Variants in KCNMA1 observed in about 807,000 individuals in gnomAD.
The protein encoded by KCNMA1 is potassium calcium-activated channel subfamily M alpha 1.
A neutral mutation model predicts 140.0 loss-of-function variants in KCNMA1; 29 were observed. That is an observed-to-expected ratio of 0.21 (90% CI 0.15 to 0.28). The LOEUF (loss-of-function observed/expected upper bound fraction) is 0.28. Ranked by LOEUF, KCNMA1 falls within the 10% of genes least tolerant of loss-of-function variation. The pLI is 1.00. For missense variants in KCNMA1, 880 were observed against 1,602.2 expected (o/e 0.55, Z 7.70); for synonymous variants, 612 against 611.9 (o/e 1.00, Z 0.00).
At position 76,884,947 on chromosome 10, in the gene KCNMA1, C is replaced by A; in HGVS notation, c.*2319G>T. 1 of 1,524,906 alleles carries A rather than the reference C, an allele frequency of 6.6e-7. No homozygotes were observed. Among genetic ancestry groups the A allele is most frequent in the Non-Finnish European group, 8.8e-7 (1 of 1,136,068 alleles). 94.5% of individuals were successfully genotyped at this position (1,524,906 alleles called of 1,614,324 possible). A position where few individuals can be genotyped will look rare whatever the true frequency, so the allele number is the denominator to read the frequency against. Reference sequence around the variant, plus strand: ...AAGGACAACGTTATAGAAGAAAACCCCCAGCAGTGGCTAGGTCATGCAGAA... The same window carrying A: ...AAGGACAACGTTATAGAAGAAAACCACCAGCAGTGGCTAGGTCATGCAGAA... On this transcript the variant is annotated 3_prime_UTR_variant, in exon 28 of 28. Coordinates refer to ENST00000286628, the MANE Select transcript of KCNMA1 (RefSeq NM_001161352.2).
intron 1 of KCNMA1, among the ~76,000 whole-genome samples, chr10:77,528,507 G>A (rs1303305369): frequency 1.3e-5 from 2 of 151,918 alleles, no homozygotes; most frequent in Admixed American, 1.3e-4. Flanking sequence ...CAACTCGGGA[G>A]GCTGAGGCAG....
At position 77,108,623 on chromosome 10, in the gene KCNMA1, G is replaced by C. The variant is rs1324157591; in HGVS notation, c.1132-51C>G. On this transcript the variant is annotated intron_variant, in intron 8 of 27. Transcript: ENST00000286628. This position sits in a 1 kb window ranked among gnomAD's most constrained non-coding sequence, Gnocchi z 4.6. Reference sequence around the variant, plus strand: ...GACTAAAAAGACAGGCCAAAGAAAAGGGGGGACCTGTTCAGAGGGTGGGGG... The same window carrying C: ...GACTAAAAAGACAGGCCAAAGAAAACGGGGGACCTGTTCAGAGGGTGGGGG... 7.3e-7 allele frequency: 1 copy of C among 1,377,978 alleles called. No homozygotes were observed. Among genetic ancestry groups the C allele is most frequent in the Admixed American group, 1.7e-5 (1 of 59,680 alleles). 85.4% of individuals were successfully genotyped at this position (1,377,978 alleles called of 1,614,324 possible).
Position 77,600,389 on chromosome 10 carries a change from C to T in KCNMA1, c.378+36876G>A, listed in dbSNP as rs373039602. 5.4e-4 allele frequency among the ~76,000 whole-genome samples: 82 copies of T among 152,306 alleles called. 1 individual carries two copies. In the South Asian group the frequency reaches 0.017, roughly 31 times the overall value. On this transcript the variant is annotated intron_variant, in intron 1 of 27. Transcript: ENST00000286628. ...ACTGACATTCCAAGCACCTGACATA[C>T]ACCTCGTCACTTAGTCCTCACAGCA...
chr10:77,381,988 C>T (rs951431265), intron 2 of KCNMA1, among the ~76,000 whole-genome samples: 1 of 152,160 alleles, frequency 6.6e-6, no homozygotes. Context: ...GTTTCTTCTT[C>T]GTGGACTTTT....
At chr10:76,952,388 C>T (rs775061863) in intron 21 of KCNMA1, among the ~76,000 whole-genome samples, 7 of 152,078 alleles carry the variant, frequency 4.6e-5, no homozygotes, top group Non-Finnish European at 8.8e-5. Flanking sequence ...GGTATGGTGG[C>T]GCGAACCTAT....
chr10:77,557,382 C>T (rs2154558169), intron 1 of KCNMA1, among the ~76,000 whole-genome samples: 1 of 152,296 alleles, frequency 6.6e-6, no homozygotes, highest in African/African-American at 2.4e-5. Flanking sequence ...CAAATACAAA[C>T]ACTCCACCAG....
At chr10:77,146,792 T>C (rs1027608335) in intron 5 of KCNMA1, among the ~76,000 whole-genome samples, 1 of 150,852 alleles carries the variant, frequency 6.6e-6, no homozygotes, top group Non-Finnish European at 1.5e-5. Context: ...GACAATAAAT[T>C]GATCTACGTG....
intron 1 of KCNMA1, among the ~76,000 whole-genome samples, chr10:77,437,909 C>T (rs1269377879): frequency 6.6e-6 from 1 of 152,148 alleles, no homozygotes; most frequent in Non-Finnish European, 1.5e-5. Flanking sequence ...GATCACAGAA[C>T]TGAATGGGCC....
chr10:77,544,775 T>C (rs947669875), intron 1 of KCNMA1, among the ~76,000 whole-genome samples: 5 of 152,216 alleles, frequency 3.3e-5, no homozygotes, highest in South Asian at 2.1e-4. Context: ...TGTGGTTGAA[T>C]ACAAAGCCTG....
chr10:77,435,849 G>A (rs1441775989), intron 1 of KCNMA1, among the ~76,000 whole-genome samples: 1 of 152,148 alleles, frequency 6.6e-6, no homozygotes, highest in Non-Finnish European at 1.5e-5. Context: ...AGAGAGAGAG[G>A]AGGGAATGTA....
At chr10:77,435,311 G>A (rs2097238510) in intron 1 of KCNMA1, among the ~76,000 whole-genome samples, 1 of 152,120 alleles carries the variant, frequency 6.6e-6, no homozygotes, top group Non-Finnish European at 1.5e-5. Context: ...TGAAGAAATA[G>A]AAGATAACCT....
At chr10:77,313,325 T>A (rs1169118567) in intron 2 of KCNMA1, among the ~76,000 whole-genome samples, 4 of 152,190 alleles carry the variant, frequency 2.6e-5, no homozygotes, top group Admixed American at 2.6e-4. Context: ...GGAATCAATA[T>A]ACAACAGTAA....
At chr10:77,145,653 C>T (rs1362105290) in intron 5 of KCNMA1, among the ~76,000 whole-genome samples, 1 of 152,214 alleles carries the variant, frequency 6.6e-6, no homozygotes. Context: ...CACTGGAATC[C>T]ATTCATTCAT....
intron 14 of KCNMA1, among the ~76,000 whole-genome samples, chr10:77,070,918 T>C (rs770476588): frequency 1.3e-5 from 2 of 152,228 alleles, no homozygotes; most frequent in Non-Finnish European, 2.9e-5. Context: ...TTCCAGGTCA[T>C]GTACCTTAGC....
chr10:77,636,773 C>T lies in KCNMA1; in HGVS notation c.378+492G>A, dbSNP rs552976379. On this transcript the variant is annotated intron_variant, in intron 1 of 27. Transcript: ENST00000286628. ...CTCTCCCTTGCCCAAAGGATTTTTC[C>T]CTTCTTTCTGACCCCACGAACTCAT... is the stretch of plus-strand genomic sequence containing the variant. 1.4e-5 allele frequency: 21 copies of T among 1,459,270 alleles called. No homozygotes were observed. The South Asian group carries it at 2.5e-4, about 18-fold the overall frequency. The allele number at this position is 1,459,270 out of a possible 1,614,324, so 90.4% of individuals were successfully genotyped here. A position where few individuals can be genotyped will look rare whatever the true frequency, so the allele number is the denominator to read the frequency against.
chr10:77,025,242 G>GTGTA (rs1436772387), intron 16 of KCNMA1, among the ~76,000 whole-genome samples: 880 of 42,640 alleles, frequency 0.021, 5 homozygotes, highest in Middle Eastern at 0.048. Context: ...GGGTGTGTGT[G>GTGTA]TATATATATA....
intron 2 of KCNMA1, among the ~76,000 whole-genome samples, chr10:77,257,320 A>G (rs945127908): frequency 7.9e-5 from 12 of 152,328 alleles, no homozygotes; most frequent in African/African-American, 2.6e-4. Flanking sequence ...AAACTGAAAC[A>G]GTTAAGTCTG....
intron 15 of KCNMA1, among the ~76,000 whole-genome samples, chr10:77,035,798 A>T (rs1374947409): frequency 6.6e-6 from 1 of 152,162 alleles, no homozygotes; most frequent in African/African-American, 2.4e-5. Flanking sequence ...AAAGGAGAGG[A>T]GGGAGAGGGG....
At chr10:77,272,247 C>A (rs1315120941) in intron 2 of KCNMA1, among the ~76,000 whole-genome samples, 1 of 152,094 alleles carries the variant, frequency 6.6e-6, no homozygotes, top group African/African-American at 2.4e-5. Context: ...TCTCTAGCAC[C>A]CAGGTGTGAG....
Sources: allele counts gnomAD v4.1 joint callset (sites outside exome capture counted in the v4.1 genomes callset), GRCh38; gene constraint gnomAD v4.1.1; non-coding constraint Gnocchi (gnomAD v3.1); transcripts MANE v1.5; gene names NCBI Gene and HGNC (gene_info 2026-07-23, HGNC 2026-07-21).